SLTM: variants seen among roughly 807,000 people sequenced by gnomAD.
SLTM encodes SAFB-like transcription modulator.
Under a neutral mutation model 134.6 loss-of-function variants are expected in SLTM, and 43 were observed. The observed-to-expected ratio is 0.32, with a 90% CI of 0.25 to 0.41. The LOEUF (loss-of-function observed/expected upper bound fraction) is 0.41. Among genes scored for constraint, SLTM ranks in the 10% least tolerant of loss-of-function variants. The pLI is 1.00. For synonymous variants in SLTM, 424 were observed against 432.3 expected (o/e 0.98, Z 0.24); for missense variants, 1,055 against 1,288.8 (o/e 0.82, Z 2.78).
intron 5 of SLTM, among the ~76,000 whole-genome samples, chr15:58,902,756 C>T (rs1305017967): frequency 2.0e-5 from 3 of 150,538 alleles, no homozygotes; most frequent in Admixed American, 1.3e-4. Context: ...CAGAGTTTTG[C>T]TCTGTCCACC....
At chr15:58,883,998 C>T (rs2033965311) in intron 19 of SLTM, among the ~76,000 whole-genome samples, 1 of 151,580 alleles carries the variant, frequency 6.6e-6, no homozygotes, top group African/African-American at 2.4e-5. Flanking sequence ...ACTCAGGAGG[C>T]TGGGGCAGGA....
chr15:58,916,350 T>C (rs1415715124), intron 3 of SLTM, among the ~76,000 whole-genome samples: 1 of 152,102 alleles, frequency 6.6e-6, no homozygotes, highest in Non-Finnish European at 1.5e-5. Context: ...ATTTTTGTAT[T>C]TTTAGTAGAG....
chr15:58,894,884 T>C (rs1454181624), intron 9 of SLTM, among the ~76,000 whole-genome samples: 1 of 152,070 alleles, frequency 6.6e-6, no homozygotes, highest in African/African-American at 2.4e-5. Flanking sequence ...TTTGTATTTT[T>C]AGTACAGATA....
rs768084057 is a variant in SLTM at position 58,887,324 on chromosome 15, G to A, written c.2592C>T (p.Ile864=). ...CCTCTCGAGGATGTCTAGGATGAGT[G>A]ATATCAGGCCTGTCATGAATAATCA... ...RTVIIHDRPD[I]THPRHPREAG... The change falls in exon 18 of 21, where the codon ATC becomes ATT. Residue 864 remains isoleucine (I), a synonymous_variant. Coordinates refer to ENST00000380516, the MANE Select transcript of SLTM (RefSeq NM_024755.4). 9 of 1,613,938 alleles carry A rather than the reference G, an allele frequency of 5.6e-6. No individual in the cohort carries two copies. The African/African-American group carries it at 9.3e-5, about 17-fold the overall frequency.
At position 58,887,281 on chromosome 15, in the gene SLTM, T is replaced by C. The variant is rs771929402; in HGVS notation, c.2635A>G (p.Arg879Gly). 1.2e-6 allele frequency: 2 copies of C among 1,614,212 alleles called. No homozygotes were observed. Among genetic ancestry groups the C allele is most frequent in the South Asian group, 2.2e-5 (2 of 91,074 alleles). Residue 879 changes from arginine to glycine, a missense_variant, in exon 18 of 21, where the codon AGA becomes GGA. Around this residue, in one of 3 missense-constraint regions of SLTM, gnomAD observed 776 missense variants for 962.2 expected, o/e 0.81. Transcript: ENST00000380516. ...CCTTCACTTTTCCAGCTGGTGGGTCTGGAAGGATTGGGCCCTGCCTCTCGA... is the reference window on the plus strand; with the variant it reads ...CCTTCACTTTTCCAGCTGGTGGGTCCGGAAGGATTGGGCCCTGCCTCTCGA... ...HPREAGPNPS[R>G]PTSWKSEGSM...
intron 5 of SLTM, among the ~76,000 whole-genome samples, chr15:58,907,747 C>T (rs1317844604): frequency 6.6e-6 from 1 of 152,142 alleles, no homozygotes; most frequent in African/African-American, 2.4e-5. Context: ...CTACTAATTG[C>T]ACATATACTA....
chr15:58,922,117 T>C (rs1480658983), intron 2 of SLTM, among the ~76,000 whole-genome samples: 1 of 152,126 alleles, frequency 6.6e-6, no homozygotes, highest in East Asian at 1.9e-4. Context: ...GGCTCACGCC[T>C]GTAATCCCAG....
chr15:58,899,605 T>C lies in SLTM; in HGVS notation c.922A>G (p.Lys308Glu). 6.2e-7 allele frequency: 1 copy of C among 1,614,224 alleles called. No individual in the cohort carries two copies. Among genetic ancestry groups the C allele is most frequent in the East Asian group, 2.2e-5 (1 of 44,882 alleles). ...EMNANHKDGK[K>E]EDCVKGDPVE... ...GGGTCACCCTTCACGCAGTCTTCCT[T>C]CTTACCATCTTTATGGTTCGCATTC... is the stretch of plus-strand genomic sequence containing the variant. Residue 308 changes from lysine (K) to glutamate (E), a missense_variant, in exon 7 of 21, where the codon AAG becomes GAG. By Grantham distance (56) the Lys-to-Glu change is moderately conservative (BLOSUM62 1). Coordinates refer to ENST00000380516, the MANE Select transcript of SLTM (RefSeq NM_024755.4). The surrounding 1 kb of genome is among the most constrained non-coding windows in gnomAD (Gnocchi z 5.0).
chr15:58,925,263 A>G (rs1301554516), intron 2 of SLTM, among the ~76,000 whole-genome samples: 3 of 152,158 alleles, frequency 2.0e-5, no homozygotes, highest in Non-Finnish European at 4.4e-5. Flanking sequence ...CTGACATTTT[A>G]CTAACAAAAT....
At chr15:58,893,173 T>C (rs2140990309) in intron 13 of SLTM, 106 bp downstream of exon 13, 1 of 1,412,726 alleles carries the variant, frequency 7.1e-7, no homozygotes, top group East Asian at 2.3e-5. Context: ...TCCTTTTTCT[T>C]GGGTTTGCTA....
At position 58,887,559 on chromosome 15, in the gene SLTM, G is replaced by T; in HGVS notation, c.2376-19C>A. 6.3e-7 allele frequency: 1 copy of T among 1,592,848 alleles called. No homozygotes were observed. Among genetic ancestry groups the T allele is most frequent in the East Asian group, 2.2e-5 (1 of 44,788 alleles). ...ATCCCGCCTATTGATTAGAAACAAA[G>T]AATATAGGTCCAAGAAGTGCTTACT... On this transcript the variant is annotated intron_variant, in intron 17 of 20. Coordinates refer to ENST00000380516, the MANE Select transcript of SLTM (RefSeq NM_024755.4).
In SLTM at chr15:58,897,125, T is replaced by C. The variant is rs764559677; in HGVS notation, c.1217A>G (p.Lys406Arg). The C allele has an allele frequency of 1.2e-6, 2 of 1,604,228 alleles. No homozygotes were observed. Among genetic ancestry groups the C allele is most frequent in the Admixed American group, 1.7e-5 (1 of 59,914 alleles). ...GTAAAAAGAATGTACCTTTCCATAT[T>C]TGCCAAAGAGGTTCTTCAAATCAGC... ...KAADLKNLFG[K>R]YGKVLSAKVV... The change falls in exon 9 of 21, where the codon AAA becomes AGA. Residue 406 changes from lysine to arginine, a missense_variant. Physicochemically the swap from Lys to Arg is conservative, Grantham distance 26 (BLOSUM62 2). Transcript: ENST00000380516.
intron 8 of SLTM, chr15:58,898,443 T>C (rs2095162355): frequency 6.2e-6 from 1 of 161,030 alleles, no homozygotes; most frequent in African/African-American, 2.4e-5. Flanking sequence ...AGGAAAAAGG[T>C]TGTGGTGATA....
chr15:58,933,382 T>G (rs1297013297), intron 1 of SLTM, 22 bp downstream of exon 1: 1 of 1,568,238 alleles, frequency 6.4e-7, no homozygotes, highest in Non-Finnish European at 8.6e-7. Context: ...CCCGGTCCTT[T>G]CCGGTCCTCG....
chr15:58,911,074 A>G (rs1475419499), intron 5 of SLTM, among the ~76,000 whole-genome samples: 1 of 152,116 alleles, frequency 6.6e-6, no homozygotes, highest in African/African-American at 2.4e-5. Context: ...TAGGAAATCA[A>G]TGTACTTAGG....
intron 2 of SLTM, among the ~76,000 whole-genome samples, chr15:58,931,789 A>G (rs916668025): frequency 1.3e-5 from 2 of 152,212 alleles, no homozygotes; most frequent in African/African-American, 4.8e-5. Context: ...TAACATCCCT[A>G]TAATTTAAAA....
Position 58,899,994 on chromosome 15 carries a change from A to G in SLTM, c.590-57T>C. On this transcript the variant is annotated intron_variant, in intron 6 of 20. Coordinates refer to ENST00000380516, the MANE Select transcript of SLTM (RefSeq NM_024755.4). The surrounding 1 kb of genome is among the most constrained non-coding windows in gnomAD (Gnocchi z 5.0). The stretch of plus-strand genomic sequence containing the variant: ...AAACAAGAAGTTTAAACAATTTCAT[A>G]TTCATAAGCTAGAATAGGACCTAGA... 4 of 1,375,878 alleles carry G rather than the reference A, an allele frequency of 2.9e-6. No individual in the cohort carries two copies. Among genetic ancestry groups the G allele is most frequent in the Non-Finnish European group, 4.0e-6 (4 of 998,856 alleles). 85.2% of individuals were successfully genotyped at this position (1,375,878 alleles called of 1,614,324 possible). A position where few individuals can be genotyped will look rare whatever the true frequency, so the allele number is the denominator to read the frequency against.
At position 58,920,813 on chromosome 15, in the gene SLTM, G is replaced by A. The variant is rs537638047; in HGVS notation, c.251-3814C>T. Among the ~76,000 whole-genome samples the A allele has an allele frequency of 1.7e-4, 26 of 151,552 alleles. No homozygotes were observed. In the South Asian group the frequency reaches 4.4e-3, roughly 26 times the overall value. On this transcript the variant is annotated intron_variant, in intron 2 of 20. Coordinates refer to ENST00000380516, the MANE Select transcript of SLTM (RefSeq NM_024755.4). ...TTACTAAAAACACAAAAATTAGCCG[G>A]GTGTGGTGATGGGCGCCTGTAATCC... is the stretch of plus-strand genomic sequence containing the variant.
Position 58,899,167 on chromosome 15 carries a change from C to T in SLTM, c.1058+302G>A. The T allele has an allele frequency of 2.5e-6, 1 of 399,074 alleles. No individual in the cohort carries two copies. The highest frequency in any genetic ancestry group is 4.4e-6 in the Non-Finnish European group (1 of 227,648). 24.7% of individuals were successfully genotyped at this position (399,074 alleles called of 1,614,324 possible). A position where few individuals can be genotyped will look rare whatever the true frequency, so the allele number is the denominator to read the frequency against. ...GATAGTTGTTCATTAACCATCATCA[C>T]AAGGATTTTAAAAAATAAAACACAA... is the stretch of plus-strand genomic sequence containing the variant. On this transcript the variant is annotated intron_variant, in intron 7 of 20. Transcript: ENST00000380516. This position sits in a 1 kb window ranked among gnomAD's most constrained non-coding sequence, Gnocchi z 5.0.
Sources: allele counts gnomAD v4.1 joint callset (sites outside exome capture counted in the v4.1 genomes callset), GRCh38; gene constraint gnomAD v4.1.1; regional missense constraint gnomAD v4.1.1; non-coding constraint Gnocchi (gnomAD v3.1); transcripts MANE v1.5; gene names NCBI Gene and HGNC (gene_info 2026-07-23, HGNC 2026-07-21).